LNX1: variants seen among roughly 807,000 people sequenced by gnomAD.
LNX1 encodes the protein ligand of numb-protein X 1.
A neutral mutation model predicts 68.4 loss-of-function variants in LNX1; 54 were observed. The ratio of observed to expected loss-of-function variants is 0.79; its 90% CI spans 0.63 to 0.99. The LOEUF is 0.99. Among genes scored for constraint, LNX1 ranks in the 50% least tolerant of loss-of-function variants. The pLI is 0.00. For missense variants in LNX1, 906 were observed against 926.4 expected, an observed-to-expected ratio of 0.98 and a Z score of 0.29; for synonymous variants, 336 against 350.0, an observed-to-expected ratio of 0.96 and a Z score of 0.45.
intron 2 of LNX1, among the ~76,000 whole-genome samples, chr4:53,529,662 C>T (rs1198033256): frequency 6.6e-6 from 1 of 152,122 alleles, no homozygotes; most frequent in African/African-American, 2.4e-5. Context: ...TGTGAGCTCC[C>T]AGAGTGTGAG....
chr4:53,608,149 G>A (rs1733306794), intron 2 of LNX1, among the ~76,000 whole-genome samples: 1 of 152,136 alleles, frequency 6.6e-6, no homozygotes, highest in Admixed American at 6.5e-5. Context: ...CATCTACACA[G>A]CAAAAGAAGT....
chr4:53,499,630 C>A (rs761959739), intron 4 of LNX1, among the ~76,000 whole-genome samples: 1 of 152,176 alleles, frequency 6.6e-6, no homozygotes, highest in Non-Finnish European at 1.5e-5. Context: ...GCAGTTTTAT[C>A]GCTTGCTTAT....
At chr4:53,606,662 A>T (rs1733248192) in intron 2 of LNX1, among the ~76,000 whole-genome samples, 1 of 152,114 alleles carries the variant, frequency 6.6e-6, no homozygotes. Context: ...AAAAAAGAAA[A>T]CTTCAGGCCA....
At position 53,573,853 on chromosome 4, in the gene LNX1, G is replaced by C. The variant is rs777247364; in HGVS notation, c.150C>G (p.Asp50Glu). 8 of 1,613,670 alleles carry C rather than the reference G, an allele frequency of 5.0e-6. No individual in the cohort carries two copies. Among genetic ancestry groups the C allele is most frequent in the Non-Finnish European group, 5.9e-6 (7 of 1,179,832 alleles). Reference protein sequence around the residue: ...ICHICLQALLDPLDTPCGHTY... With the variant: ...ICHICLQALLEPLDTPCGHTY... ...TGTGTCCACACGGAGTGTCCAGGGG[G>C]TCCAGCAAAGCCTGCAGGCAGATGT... The change falls in exon 2 of 11, where the codon GAC becomes GAG. Residue 50 changes from aspartate (D) to glutamate (E), a missense_variant. By Grantham distance (45) the Asp-to-Glu change is conservative. Coordinates refer to ENST00000263925, the MANE Select transcript of LNX1 (RefSeq NM_001126328.3).
intron 2 of LNX1, among the ~76,000 whole-genome samples, chr4:53,517,823 A>AT (rs1726898760): frequency 6.6e-6 from 1 of 152,228 alleles, no homozygotes; most frequent in Non-Finnish European, 1.5e-5. Context: ...GGTGAACTGA[A>AT]TATCAGTTGA....
chr4:53,494,027 C>T lies in LNX1; in HGVS notation c.1350+1996G>A, dbSNP rs372488277. On this transcript the variant is annotated intron_variant, in intron 6 of 10. Coordinates refer to ENST00000263925, the MANE Select transcript of LNX1 (RefSeq NM_001126328.3). ...TGCTTTTTAAAATACACACCCCAGG[C>T]TCCAGGTACTATTTATCATTTCCCT... Among the ~76,000 whole-genome samples, 4 of 152,154 alleles carry T rather than the reference C, an allele frequency of 2.6e-5. 1 individual carries two copies. The highest frequency in any genetic ancestry group is 3.9e-4 in the East Asian group (2 of 5,186).
chr4:53,498,531 C>T lies in LNX1; in HGVS notation c.978+110G>A, dbSNP rs114356062. On this transcript the variant is annotated intron_variant, in intron 5 of 10. Transcript: ENST00000263925. The stretch of plus-strand genomic sequence containing the variant: ...TAAAATGATAGAAAGTCACTATCCA[C>T]ATTTATTTTACCATTTCCCTCATTC... 5.2e-3 allele frequency: 3,910 copies of T among 748,030 alleles called. 107 individuals are homozygous for T. In the African/African-American group the frequency reaches 0.06, roughly 12 times the overall value. The allele number at this position is 748,030 out of a possible 1,614,324, so 46.3% of individuals were successfully genotyped here.
chr4:53,520,802 A>C (rs957048475), intron 2 of LNX1, among the ~76,000 whole-genome samples: 41 of 152,226 alleles, frequency 2.7e-4, no homozygotes, highest in African/African-American at 8.7e-4. Flanking sequence ...TCTCTACTAA[A>C]AATACAAAAA....
At chr4:53,538,479 T>G (rs1472453890) in intron 2 of LNX1, among the ~76,000 whole-genome samples, 3 of 152,310 alleles carry the variant, frequency 2.0e-5, no homozygotes, top group South Asian at 2.1e-4. Context: ...GACCCCTGCT[T>G]TTTTGAATGC....
At chr4:53,463,902 C>T (rs1207897769) in intron 9 of LNX1, among the ~76,000 whole-genome samples, 1 of 152,030 alleles carries the variant, frequency 6.6e-6, no homozygotes, top group Non-Finnish European at 1.5e-5. Flanking sequence ...ACTAAGTCTG[C>T]AGACTACAAA....
In LNX1 at chr4:53,576,564, T is replaced by A. The variant is rs547223451; in HGVS notation, c.-86-2476A>T. ...GGCATTTTCATTCTTCTGCCTTAAA[T>A]CCCTGACTTCACAGAGCTGACATTC... On this transcript the variant is annotated intron_variant, in intron 1 of 10. Coordinates refer to ENST00000263925, the MANE Select transcript of LNX1 (RefSeq NM_001126328.3). 2.6e-5 allele frequency among the ~76,000 whole-genome samples: 4 copies of A among 151,998 alleles called. No individual in the cohort carries two copies. In the East Asian group the frequency reaches 5.8e-4, roughly 22 times the overall value.
At chr4:53,537,882 G>A (rs184806441) in intron 2 of LNX1, among the ~76,000 whole-genome samples, 1 of 152,340 alleles carries the variant, frequency 6.6e-6, no homozygotes, top group African/African-American at 2.4e-5. Context: ...TTCCTTTCAG[G>A]AAACGGTGTG....
chr4:53,494,313 C>T (rs1360881194), intron 6 of LNX1, among the ~76,000 whole-genome samples: 1 of 152,190 alleles, frequency 6.6e-6, no homozygotes, highest in African/African-American at 2.4e-5. Context: ...ATTGTGAGGC[C>T]TCCCGAGCCA....
chr4:53,613,989 C>T (rs1577796266), intron 2 of LNX1, among the ~76,000 whole-genome samples: 1 of 52,468 alleles, frequency 1.9e-5, no homozygotes, highest in South Asian at 5.5e-4. Context: ...TTTGACGGCC[C>T]TTTTTTGATA....
chr4:53,548,576 G>A (rs1188312856), intron 2 of LNX1, among the ~76,000 whole-genome samples: 1 of 152,120 alleles, frequency 6.6e-6, no homozygotes, highest in African/African-American at 2.4e-5. Flanking sequence ...ACTGTTGGCA[G>A]GAGTGTAAAT....
intron 6 of LNX1, among the ~76,000 whole-genome samples, chr4:53,490,140 A>AG (rs869179430): frequency 1.0e-3 from 2 of 1,984 alleles, no homozygotes; most frequent in Non-Finnish European, 0.036. Flanking sequence ...TCATATAAGG[A>AG]AAAAACAATT....
At chr4:53,477,963 A>G (rs1371012704) in intron 8 of LNX1, among the ~76,000 whole-genome samples, 1 of 152,128 alleles carries the variant, frequency 6.6e-6, no homozygotes, top group African/African-American at 2.4e-5. Context: ...TTCCTCACCC[A>G]TCTGAGCTAC....
At chr4:53,470,787 G>A (rs543745198) in intron 9 of LNX1, among the ~76,000 whole-genome samples, 11 of 152,100 alleles carry the variant, frequency 7.2e-5, no homozygotes, top group East Asian at 1.9e-4. Flanking sequence ...TACAAGGGAC[G>A]TGAAGGACCT....
intron 2 of LNX1, among the ~76,000 whole-genome samples, chr4:53,532,300 A>G (rs1173222203): frequency 6.6e-6 from 1 of 151,972 alleles, no homozygotes; most frequent in Non-Finnish European, 1.5e-5. Flanking sequence ...ACATGGTGAA[A>G]CCCCATCTCT....
Sources: gnomAD v4.1 joint callset for allele counts (sites outside exome capture counted in the v4.1 genomes callset) on GRCh38, gnomAD v4.1.1 for gene constraint, MANE v1.5 for transcripts, NCBI Gene and HGNC (gene_info 2026-07-23, HGNC 2026-07-21) for gene names.